Variants in ZBTB25 observed in about 807,000 individuals in gnomAD.
ZBTB25 encodes zinc finger and BTB domain-containing protein 25.
A neutral mutation model predicts 34.2 loss-of-function variants in ZBTB25; 20 were observed. That is an observed-to-expected ratio of 0.58 (90% CI 0.41 to 0.85). The LOEUF (loss-of-function observed/expected upper bound fraction) is 0.85. Ranked by LOEUF, ZBTB25 falls within the 40% of genes least tolerant of loss-of-function variation. The probability of loss-of-function intolerance (pLI) is 0.00; values close to 1 mark genes in which losing one functional copy is unlikely to be tolerated. For synonymous variants in ZBTB25, 175 were observed against 186.4 expected (o/e 0.94, Z 0.50); for missense variants, 437 against 521.8 (o/e 0.84, Z 1.58).
At chr14:64,489,561 A>T (rs2079001102) in intron 2 of ZBTB25, among the ~76,000 whole-genome samples, 1 of 149,520 alleles carries the variant, frequency 6.7e-6, no homozygotes, top group Non-Finnish European at 1.5e-5. Flanking sequence ...TTTGAGACAG[A>T]GTCTCGCTCT....
downstream of ZBTB25, among the ~76,000 whole-genome samples, chr14:64,475,312 G>A (rs942585075): frequency 1.3e-5 from 2 of 152,044 alleles, no homozygotes; most frequent in Non-Finnish European, 2.9e-5. Context: ...GGTGGCGGGT[G>A]CCTGTAGTCC....
chr14:64,500,387 A>C (rs774270561), intron 1 of ZBTB25, among the ~76,000 whole-genome samples: 1 of 150,944 alleles, frequency 6.6e-6, no homozygotes, highest in African/African-American at 2.4e-5. Flanking sequence ...TTGTAACCAG[A>C]GAAGAAATGA....
At chr14:64,453,357 A>G (rs1228088579) in intron 2 of ZBTB25, among the ~76,000 whole-genome samples, 2 of 152,090 alleles carry the variant, frequency 1.3e-5, no homozygotes, top group African/African-American at 4.8e-5. Context: ...AGATCACCTG[A>G]GGTTGGGAGT....
intron 1 of ZBTB25, among the ~76,000 whole-genome samples, chr14:64,492,184 T>G (rs1034224653): frequency 7.6e-6 from 1 of 131,832 alleles, no homozygotes; most frequent in African/African-American, 2.6e-5. Context: ...TGATGTGGAA[T>G]AATCCCCAAG....
chr14:64,451,257 A>G (rs940136220), intron 2 of ZBTB25, among the ~76,000 whole-genome samples: 2 of 152,064 alleles, frequency 1.3e-5, no homozygotes, highest in Admixed American at 6.6e-5. Context: ...CCTGGGTTCA[A>G]GTGATCCTCC....
intron 1 of ZBTB25, among the ~76,000 whole-genome samples, chr14:64,500,501 C>T (rs2079453188): frequency 7.8e-6 from 1 of 128,634 alleles, no homozygotes; most frequent in African/African-American, 2.7e-5. Flanking sequence ...AAGAAAATTC[C>T]TGCTAGCAAA....
At position 64,468,892 on chromosome 14, in the gene ZBTB25, G is replaced by C. The variant is rs760825109; in HGVS notation, c.174-19254C>G. On this transcript the variant is annotated intron_variant, in intron 2 of 2. Coordinates refer to the ZBTB25 transcript ENST00000555220. ...CTGAAATTTTGGATATACAAACACA[G>C]ACCCCATTGAATGATCAGGCAACAA... The C allele has an allele frequency of 1.2e-5, 20 of 1,614,110 alleles. No homozygotes were observed. The highest frequency in any genetic ancestry group is 1.7e-5 in the Non-Finnish European group (20 of 1,180,032).
chr14:64,486,074 C>A lies in ZBTB25; in HGVS notation c.*849G>T, dbSNP rs1242067445. 5.4e-6 allele frequency: 5 copies of A among 931,406 alleles called. No individual in the cohort carries two copies. In the East Asian group the frequency reaches 5.9e-4, roughly 109 times the overall value. The allele number at this position is 931,406 out of a possible 1,614,324, so 57.7% of individuals were successfully genotyped here. On this transcript the variant is annotated 3_prime_UTR_variant, in exon 3 of 3. Transcript: ENST00000608382. ...CAGCACTTTGGGAGGCCAAGGCGGG[C>A]AGATGACGAGGTCAGGAGATCGAGA...
At chr14:64,477,050 G>A (rs867203594), downstream of ZBTB25, among the ~76,000 whole-genome samples, 11 of 152,248 alleles carry the variant, frequency 7.2e-5, no homozygotes, top group African/African-American at 2.6e-4. Flanking sequence ...GTGTCACCTC[G>A]GGGTAATTTT....
rs751545033 is a variant in ZBTB25 at position 64,486,948 on chromosome 14, T to A, written c.1283A>T (p.Asn428Ile). 1 of 1,611,590 alleles carries A rather than the reference T, an allele frequency of 6.2e-7. No homozygotes were observed. Among genetic ancestry groups the A allele is most frequent in the African/African-American group, 1.3e-5 (1 of 74,808 alleles). Residue 428 changes from asparagine to isoleucine, a missense_variant, in exon 3 of 3, where the codon AAT (asparagine) becomes ATT (isoleucine). By Grantham distance (149) the Asn-to-Ile change is moderately radical (BLOSUM62 -3). Transcript: ENST00000608382. ...CTACTCAACTAGGATAGTATCCACA[T>A]TTTCTTGTGTGAGCTCTGACTCTAA... ...CALESELTQE[N>I]VDTILVE
At chr14:64,495,144 T>C (rs893429865) in intron 1 of ZBTB25, among the ~76,000 whole-genome samples, 2 of 152,252 alleles carry the variant, frequency 1.3e-5, no homozygotes, top group Non-Finnish European at 2.9e-5. Flanking sequence ...TGATTGTTTC[T>C]GGATTATAGT....
At chr14:64,498,947 TA>T (rs1308446729) in intron 1 of ZBTB25, among the ~76,000 whole-genome samples, 1 of 152,146 alleles carries the variant, frequency 6.6e-6, no homozygotes, top group Admixed American at 6.6e-5. Context: ...ATTCTTTTTT[TA>T]AAAAGCTTCC....
At position 64,479,055 on chromosome 14, in the gene ZBTB25, T is replaced by TA. The variant is rs2078748481; in HGVS notation, c.*7867dup. The TA allele has an allele frequency of 6.6e-6, 1 of 152,234 alleles. No individual in the cohort carries two copies. The highest frequency in any genetic ancestry group is 1.5e-5 in the Non-Finnish European group (1 of 68,046). 9.4% of individuals were successfully genotyped at this position (152,234 alleles called of 1,614,324 possible). On this transcript the variant is annotated 3_prime_UTR_variant, in exon 3 of 3. Coordinates refer to ENST00000608382, the MANE Select transcript of ZBTB25 (RefSeq NM_006977.5). Reference sequence around the variant, plus strand: ...CTTTTATTTCTAATAATCACATTTTTATCTTTTAAAAGCTGGGATCAAGGA... The same window carrying TA: ...CTTTTATTTCTAATAATCACATTTTTAATCTTTTAAAAGCTGGGATCAAGGA...
At chr14:64,451,097 A>G (rs2078364211) in intron 2 of ZBTB25, among the ~76,000 whole-genome samples, 1 of 152,018 alleles carries the variant, frequency 6.6e-6, no homozygotes, top group African/African-American at 2.4e-5. Context: ...TGAACCCGGG[A>G]GGCGGACGTT....
Position 64,487,215 on chromosome 14 carries a change from C to A in ZBTB25, c.1016G>T (p.Cys339Phe). ...TCTTTTCCTTGAAAAAGAAAAATTA[C>A]AGTTTAATTCTACTGGCTCTGTGTC... ...SKDTEPVELN[C>F]NFSFSRKRKM... Residue 339 changes from cysteine (C) to phenylalanine (F), a missense_variant, in exon 3 of 3, where the codon TGT becomes TTT. Physicochemically the swap from Cys to Phe is radical, Grantham distance 205. Transcript: ENST00000608382. 6.2e-7 allele frequency: 1 copy of A among 1,614,002 alleles called. No individual in the cohort carries two copies. Among genetic ancestry groups the A allele is most frequent in the Non-Finnish European group, 8.5e-7 (1 of 1,179,924 alleles).
Position 64,487,000 on chromosome 14 carries a change from G to C in ZBTB25, c.1231C>G (p.Gln411Glu), listed in dbSNP as rs748768371. 4 of 1,614,208 alleles carry C rather than the reference G, an allele frequency of 2.5e-6. No individual in the cohort carries two copies. The East Asian group carries it at 8.9e-5, about 36-fold the overall frequency. Residue 411 changes from glutamine (Q) to glutamate (E), a missense_variant, in exon 3 of 3, where the codon CAA becomes GAA. Coordinates refer to ENST00000608382, the MANE Select transcript of ZBTB25 (RefSeq NM_006977.5). Reference sequence around the variant, plus strand: ...GCACAAGGCAAGTCTAAGTGTTCTTGTGACAAGCGAGAACTTTTCAGGGAG... The same window carrying C: ...GCACAAGGCAAGTCTAAGTGTTCTTCTGACAAGCGAGAACTTTTCAGGGAG... ...DVSLKSSRLS[Q>E]EHLDLPCALE... is the part of the protein sequence containing the mutation.
intron 2 of ZBTB25, among the ~76,000 whole-genome samples, chr14:64,455,473 T>C (rs983459012): frequency 6.6e-6 from 1 of 152,198 alleles, no homozygotes; most frequent in Non-Finnish European, 1.5e-5. Context: ...ATATTGCCAG[T>C]TGGGAAGCAG....
At chr14:64,459,791 A>G in intron 2 of ZBTB25, 4 of 1,535,610 alleles carry the variant, frequency 2.6e-6, no homozygotes, top group Non-Finnish European at 2.6e-6. Flanking sequence ...CTACTTTGAA[A>G]GTCTGGCCAG....
At chr14:64,468,760 A>T (rs775469924) in intron 2 of ZBTB25, 3 of 1,614,192 alleles carry the variant, frequency 1.9e-6, no homozygotes, top group South Asian at 2.2e-5. Context: ...AAAAGGCAAA[A>T]TCTAGACTTA....
Sources: gnomAD v4.1 joint callset for allele counts (sites outside exome capture counted in the v4.1 genomes callset) on GRCh38, gnomAD v4.1.1 for gene constraint, MANE v1.5 for transcripts, NCBI Gene and HGNC (gene_info 2026-07-23, HGNC 2026-07-21) for gene names.